The following DPF3 variants were observed in gnomAD, a reference collection of about 807,000 sequenced individuals.
DPF3 encodes the protein double PHD fingers 3.
DPF3 carries 18 observed loss-of-function variants against 56.8 expected under a neutral mutation model. The observed-to-expected ratio is 0.32, with a 90% CI of 0.22 to 0.47. The LOEUF is 0.47. DPF3 is among the 20% of genes least tolerant of loss of function. The pLI is 1.00. For missense variants in DPF3, 403 were observed against 488.8 expected (o/e 0.82, Z 1.65); for synonymous variants, 188 against 180.2 (o/e 1.04, Z -0.35).
chr14:72,671,436 G>C (rs1407424267), intron 8 of DPF3: 3 of 1,471,850 alleles, frequency 2.0e-6, no homozygotes, highest in African/African-American at 2.8e-5. Flanking sequence ...TTAATAGCAA[G>C]ATATAAAACC....
chr14:72,661,400 C>T (rs1167467785), intron 8 of DPF3: 1 of 985,246 alleles, frequency 1.0e-6, no homozygotes, highest in Non-Finnish European at 1.2e-6. Context: ...AACACTGTGA[C>T]TCAAGGACCT....
intron 1 of DPF3, among the ~76,000 whole-genome samples, chr14:72,795,293 AAAATATAT>A (rs1426700261): frequency 1.9e-5 from 2 of 108,006 alleles, no homozygotes; most frequent in African/African-American, 6.4e-5. Context: ...AAAAAAAAAA[AAAATATAT>A]ATATATATAT....
At chr14:72,879,768 C>G (rs950063653) in intron 1 of DPF3, 1 of 1,514,574 alleles carries the variant, frequency 6.6e-7, no homozygotes, top group South Asian at 1.2e-5. Context: ...CTCAGACTAA[C>G]AAGTTCACAC....
At chr14:72,686,105 G>A (rs539425528) in intron 7 of DPF3, among the ~76,000 whole-genome samples, 3 of 152,236 alleles carry the variant, frequency 2.0e-5, no homozygotes, top group Admixed American at 1.3e-4. Context: ...TAATGAGCCT[G>A]TTCAGAAGGA....
intron 1 of DPF3, 71 bp downstream of exon 1, chr14:72,893,986 G>T (rs1348690903): frequency 6.3e-7 from 1 of 1,588,196 alleles, no homozygotes; most frequent in South Asian, 1.1e-5. Context: ...GGCAGCGCTC[G>T]CCACGCAGAA....
chr14:72,717,910 C>T (rs536791214), intron 5 of DPF3, among the ~76,000 whole-genome samples: 1 of 152,348 alleles, frequency 6.6e-6, no homozygotes, highest in East Asian at 1.9e-4. Flanking sequence ...TGGGCCATGG[C>T]AGCCATGAGT....
At chr14:72,837,205 G>A (rs2140061510) in intron 1 of DPF3, among the ~76,000 whole-genome samples, 1 of 152,172 alleles carries the variant, frequency 6.6e-6, no homozygotes, top group Non-Finnish European at 1.5e-5. Context: ...GTGCAAAGAA[G>A]AATGAGGGTG....
At chr14:72,854,605 T>TA (rs1885108748) in intron 1 of DPF3, among the ~76,000 whole-genome samples, 1 of 152,224 alleles carries the variant, frequency 6.6e-6, no homozygotes, top group African/African-American at 2.4e-5. Flanking sequence ...ATTGTTCACT[T>TA]ACAGCTGTTT....
intron 2 of DPF3, among the ~76,000 whole-genome samples, chr14:72,760,767 C>A (rs1396566286): frequency 2.0e-5 from 3 of 151,690 alleles, no homozygotes; most frequent in South Asian, 4.2e-4. Flanking sequence ...GCCTAAATAC[C>A]CCTACTTAAA....
chr14:72,756,604 G>C (rs921808979), intron 2 of DPF3, among the ~76,000 whole-genome samples: 17 of 152,092 alleles, frequency 1.1e-4, no homozygotes, highest in African/African-American at 4.1e-4. Flanking sequence ...CTGAAGCCCA[G>C]GAGTTCAAGA....
rs371854541 is a variant in DPF3, at chr14:72,711,261, C to T, written c.604+3162G>A. Among the ~76,000 whole-genome samples the T allele has an allele frequency of 2.0e-4, 31 of 152,248 alleles. No individual in the cohort carries two copies. The South Asian group carries it at 6.4e-3, about 32-fold the overall frequency. ...TACAAAAATGGCAGGGACGGCAAATCTGTGGAGAATGAAATTTAACTACTG... is the reference window on the plus strand; with the variant it reads ...TACAAAAATGGCAGGGACGGCAAATTTGTGGAGAATGAAATTTAACTACTG... On this transcript the variant is annotated intron_variant, in intron 6 of 10. Coordinates refer to ENST00000556509, the MANE Select transcript of DPF3 (RefSeq NM_001280542.3).
intron 8 of DPF3, among the ~76,000 whole-genome samples, chr14:72,659,388 C>T (rs1388697592): frequency 6.6e-6 from 1 of 152,158 alleles, no homozygotes; most frequent in African/African-American, 2.4e-5. Context: ...CATCTATAGA[C>T]AGAAAGCACA....
intron 4 of DPF3, among the ~76,000 whole-genome samples, chr14:72,729,694 G>T (rs1032908681): frequency 2.0e-5 from 3 of 152,192 alleles, no homozygotes. Context: ...CATACTGTGA[G>T]TCCAAGTATA....
chr14:72,790,587 T>G (rs1892389826), intron 1 of DPF3, among the ~76,000 whole-genome samples: 1 of 152,196 alleles, frequency 6.6e-6, no homozygotes, highest in East Asian at 1.9e-4. Flanking sequence ...GAATATTGTC[T>G]TTATCATTCT....
intron 1 of DPF3, among the ~76,000 whole-genome samples, chr14:72,801,353 A>G (rs1413451452): frequency 6.6e-6 from 1 of 152,182 alleles, no homozygotes; most frequent in Non-Finnish European, 1.5e-5. Context: ...CAAAGAACTG[A>G]GAAAAAAATA....
chr14:72,797,069 G>T (rs1892673723), intron 1 of DPF3, among the ~76,000 whole-genome samples: 1 of 152,228 alleles, frequency 6.6e-6, no homozygotes, highest in Admixed American at 6.5e-5. Flanking sequence ...TTGGCCAACA[G>T]AATACAGTGG....
chr14:72,763,454 T>C (rs1208922851), intron 2 of DPF3, among the ~76,000 whole-genome samples: 3 of 152,076 alleles, frequency 2.0e-5, no homozygotes, highest in Non-Finnish European at 4.4e-5. Context: ...CACATATATG[T>C]GGACATCTAA....
chr14:72,696,693 A>G (rs1395923750), intron 6 of DPF3, among the ~76,000 whole-genome samples: 1 of 152,306 alleles, frequency 6.6e-6, no homozygotes, highest in East Asian at 1.9e-4. Flanking sequence ...AGCTCCCTCT[A>G]TCTCCTTCCC....
At chr14:72,804,625 G>GT (rs199510216) in intron 1 of DPF3, among the ~76,000 whole-genome samples, 159 of 151,912 alleles carry the variant, frequency 1.0e-3, no homozygotes, top group African/African-American at 3.5e-3. Context: ...TTGTGTTTTT[G>GT]TTTTTTTTCC....
Sources: gnomAD v4.1 joint callset for allele counts (sites outside exome capture counted in the v4.1 genomes callset) on GRCh38, gnomAD v4.1.1 for gene constraint, MANE v1.5 for transcripts, NCBI Gene and HGNC (gene_info 2026-07-23, HGNC 2026-07-21) for gene names.